Variants in PPM1G observed in about 807,000 individuals in gnomAD.
PPM1G encodes the protein protein phosphatase, Mg2+/Mn2+ dependent 1G.
Under a neutral mutation model 59.4 loss-of-function variants are expected in PPM1G, and 12 were observed. The ratio of observed to expected loss-of-function variants is 0.20; its 90% confidence interval spans 0.13 to 0.33. PPM1G has a LOEUF of 0.33. Ranked by LOEUF, PPM1G falls within the 10% of genes least tolerant of loss-of-function variation. PPM1G has a pLI of 1.00. For synonymous variants in PPM1G, 245 were observed against 251.9 expected (o/e 0.97, Z 0.26); for missense variants, 392 against 681.3 (o/e 0.58, Z 4.73).
rs569091067 is a variant in PPM1G, at chr2:27,403,165, C to T, written c.120+6138G>A. Among the ~76,000 whole-genome samples the T allele has an allele frequency of 9.2e-5, 14 of 152,204 alleles. No individual in the cohort carries two copies. In the South Asian group the frequency reaches 2.9e-3, roughly 32 times the overall value. ...TAAATAATTTAAAAAATAAAAAGGCCGGGCACAGTGGCTCATGCCTGTAAT... is the reference window on the plus strand; with the variant it reads ...TAAATAATTTAAAAAATAAAAAGGCTGGGCACAGTGGCTCATGCCTGTAAT... On this transcript the variant is annotated intron_variant, in intron 1 of 9. Transcript: ENST00000344034.
chr2:27,409,019 G>A (rs1663448467), intron 1 of PPM1G, among the ~76,000 whole-genome samples: 1 of 152,242 alleles, frequency 6.6e-6, no homozygotes, highest in South Asian at 2.1e-4. Flanking sequence ...AGGTTGGCAC[G>A]AGAGGATGGC....
At position 27,409,380 on chromosome 2, in the gene PPM1G, C is replaced by G; in HGVS notation, c.43G>C (p.Gly15Arg). 1 of 1,540,978 alleles carries G rather than the reference C, an allele frequency of 6.5e-7. No homozygotes were observed. The highest frequency in any genetic ancestry group is 8.7e-7 in the Non-Finnish European group (1 of 1,143,086). ...AGGCGCGGGGCGCCGACCCCGTCCC[C>G]GGAGCACTTCACCGTGTTGGGCTGG... The part of the protein sequence containing the change: ...LSQPNTVKCS[G>R]DGVGAPRLPL... The change falls in exon 1 of 10, where the codon GGG becomes CGG. Residue 15 changes from glycine to arginine, a missense_variant. This residue lies in a region of PPM1G where 68 missense variants were observed against 145.9 expected (regional missense o/e 0.47). Transcript: ENST00000344034.
At chr2:27,393,343 C>T in intron 1 of PPM1G, 1 of 1,596,650 alleles carries the variant, frequency 6.3e-7, no homozygotes, top group Non-Finnish European at 8.5e-7. Context: ...TTCTGGCGCA[C>T]CTGCGAGGTA....
At chr2:27,401,634 T>C (rs1485643455) in intron 1 of PPM1G, among the ~76,000 whole-genome samples, 1 of 152,086 alleles carries the variant, frequency 6.6e-6, no homozygotes, top group East Asian at 1.9e-4. Flanking sequence ...GAGACCAGCC[T>C]GGGCAACATG....
In PPM1G at chr2:27,384,676, A is replaced by C. The variant is rs1460155488; in HGVS notation, c.822T>G (p.Ser274Arg). 6.9e-6 allele frequency: 11 copies of C among 1,603,250 alleles called. No homozygotes were observed. The highest frequency in any genetic ancestry group is 2.7e-5 in the African/African-American group (2 of 74,730). ...GCCTGCCCTCACAGGCCCTTACCTC[A>C]CTGTCTTCCTCTTCTTCCTCCGCCT... ...SDEAEEEEED[S>R]EECSEEEDGY... Residue 274 changes from serine to arginine, a missense_variant, in exon 5 of 10, where the codon AGT (serine) becomes AGG (arginine). Ser to Arg is a moderately radical substitution (Grantham distance 110, BLOSUM62 -1). Coordinates refer to ENST00000344034, the MANE Select transcript of PPM1G (RefSeq NM_177983.3). The surrounding 1 kb of genome is among the most constrained non-coding windows in gnomAD (Gnocchi z 4.8).
intron 3 of PPM1G, 105 bp downstream of exon 3, chr2:27,386,089 A>G (rs1165865762): frequency 7.9e-7 from 1 of 1,270,540 alleles, no homozygotes; most frequent in African/African-American, 1.5e-5. Flanking sequence ...TCAAGAGTAA[A>G]TAAGCAGCAG....
rs1683662273 is a variant in PPM1G at position 27,382,691 on chromosome 2, C to T, written c.1202-86G>A. On this transcript the variant is annotated intron_variant, in intron 7 of 9. Coordinates refer to ENST00000344034, the MANE Select transcript of PPM1G (RefSeq NM_177983.3). The surrounding 1 kb of genome is among the most constrained non-coding windows in gnomAD (Gnocchi z 4.2). ...CAGGTCAAACCTTGCCATTCATTTCCCTTCTTTACAAAGTTCCATAATCTA... is the reference window on the plus strand; with the variant it reads ...CAGGTCAAACCTTGCCATTCATTTCTCTTCTTTACAAAGTTCCATAATCTA... 3 of 1,525,856 alleles carry T rather than the reference C, an allele frequency of 2.0e-6. No individual in the cohort carries two copies. The highest frequency in any genetic ancestry group is 4.5e-5 in the East Asian group (2 of 44,266). 94.5% of individuals were successfully genotyped at this position (1,525,856 alleles called of 1,614,324 possible).
intron 1 of PPM1G, among the ~76,000 whole-genome samples, chr2:27,390,391 T>G (rs1683870467): frequency 6.6e-6 from 1 of 152,218 alleles, no homozygotes; most frequent in African/African-American, 2.4e-5. Context: ...TCCTTCTCCT[T>G]CAAGGTCTTA....
chr2:27,383,133 G>A lies in PPM1G; in HGVS notation c.1201+233C>T, dbSNP rs1372300229. On this transcript the variant is annotated intron_variant, in intron 7 of 9. Transcript: ENST00000344034. This position sits in a 1 kb window ranked among gnomAD's most constrained non-coding sequence, Gnocchi z 5.0. ...TTACAGGCGTGAGCCACCACGCCCG[G>A]CACTCACAGGTCTTTTTCATCATTC... 6.6e-6 allele frequency among the ~76,000 whole-genome samples: 1 copy of A among 152,090 alleles called. No homozygotes were observed. Among genetic ancestry groups the A allele is most frequent in the Non-Finnish European group, 1.5e-5 (1 of 68,010 alleles).
rs572763240 is a variant in PPM1G, at chr2:27,382,322, A to G, written c.1332-94T>C. On this transcript the variant is annotated intron_variant, in intron 8 of 9. Coordinates refer to ENST00000344034, the MANE Select transcript of PPM1G (RefSeq NM_177983.3). The surrounding 1 kb of genome is among the most constrained non-coding windows in gnomAD (Gnocchi z 4.2). ...GTGGTGGCCCAGGCCAGTGTAAATAACTACAGAAATTCTCAGCTCTGCCTT... is the reference window on the plus strand; with the variant it reads ...GTGGTGGCCCAGGCCAGTGTAAATAGCTACAGAAATTCTCAGCTCTGCCTT... 4 of 1,554,452 alleles carry G rather than the reference A, an allele frequency of 2.6e-6. No homozygotes were observed. The African/African-American group carries it at 5.4e-5, about 21-fold the overall frequency.
chr2:27,402,184 A>T (rs1558321811), intron 1 of PPM1G, among the ~76,000 whole-genome samples: 1 of 152,228 alleles, frequency 6.6e-6, no homozygotes, highest in African/African-American at 2.4e-5. Flanking sequence ...AAACAAAAAC[A>T]ACTACACTGA....
Position 27,387,147 on chromosome 2 carries a change from G to A in PPM1G, c.132C>T (p.Asn44=), listed in dbSNP as rs1360169624. ...GWRVSMEDAH[N]CIPELDSETA... The stretch of plus-strand genomic sequence containing the variant: ...TCTCACTGTCCAGCTCAGGAATACA[G>A]TTGTGAGCATCCTAGGAAAAGAAGA... Residue 44 remains asparagine (N), a synonymous_variant, in exon 2 of 10, where the codon AAC becomes AAT. Transcript: ENST00000344034. The A allele has an allele frequency of 6.2e-7, 1 of 1,612,434 alleles. No individual in the cohort carries two copies. Among genetic ancestry groups the A allele is most frequent in the South Asian group, 1.1e-5 (1 of 91,054 alleles).
chr2:27,384,225 G>T lies in PPM1G; in HGVS notation c.826-133C>A. On this transcript the variant is annotated intron_variant, in intron 5 of 9. Transcript: ENST00000344034. The surrounding 1 kb of genome is among the most constrained non-coding windows in gnomAD (Gnocchi z 4.8). The stretch of plus-strand genomic sequence containing the variant: ...CTGAAAGATACAAGTATATGGTCAT[G>T]AAAATTGGGGGGATGGAAAGGGCTA... 1 of 1,435,006 alleles carries T rather than the reference G, an allele frequency of 7.0e-7. No individual in the cohort carries two copies. The highest frequency in any genetic ancestry group is 9.4e-7 in the Non-Finnish European group (1 of 1,066,300). The allele number at this position is 1,435,006 out of a possible 1,614,324, so 88.9% of individuals were successfully genotyped here. A position where few individuals can be genotyped will look rare whatever the true frequency, so the allele number is the denominator to read the frequency against.
chr2:27,387,803 T>A (rs970179890), intron 1 of PPM1G, among the ~76,000 whole-genome samples: 4 of 152,058 alleles, frequency 2.6e-5, no homozygotes, highest in African/African-American at 4.8e-5. Context: ...TTTATTTATT[T>A]ATTATTATTT....
chr2:27,387,228 G>A, intron 1 of PPM1G, 70 bp from the exon 2 acceptor site: 1 of 1,296,286 alleles, frequency 7.7e-7, no homozygotes, highest in Non-Finnish European at 1.1e-6. Context: ...AGGGATCAAT[G>A]TCACCCCTTA....
chr2:27,396,355 CA>C (rs1684054136), intron 1 of PPM1G, among the ~76,000 whole-genome samples: 1 of 152,072 alleles, frequency 6.6e-6, no homozygotes, highest in South Asian at 2.1e-4. Flanking sequence ...CTAAACTAAT[CA>C]AATTCATAGA....
Position 27,381,931 on chromosome 2 carries a change from C to A in PPM1G, c.1435-126G>T, listed in dbSNP as rs556544191. 177 of 1,041,882 alleles carry A rather than the reference C, an allele frequency of 1.7e-4. 2 individuals are homozygous for A. The South Asian group carries it at 2.5e-3, about 15-fold the overall frequency. The allele number at this position is 1,041,882 out of a possible 1,614,324, so 64.5% of individuals were successfully genotyped here. A position where few individuals can be genotyped will look rare whatever the true frequency, so the allele number is the denominator to read the frequency against. Reference sequence around the variant, plus strand: ...AGAGGAATGGGCAAGAGGTATCACACAACGGCCCACCTGCTAGTCCATAAG... The same window carrying A: ...AGAGGAATGGGCAAGAGGTATCACAAAACGGCCCACCTGCTAGTCCATAAG... On this transcript the variant is annotated intron_variant, in intron 9 of 9. Coordinates refer to ENST00000344034, the MANE Select transcript of PPM1G (RefSeq NM_177983.3).
chr2:27,383,832 C>T lies in PPM1G; in HGVS notation c.966+120G>A, dbSNP rs192937379. 10 of 1,434,748 alleles carry T rather than the reference C, an allele frequency of 7.0e-6. No individual in the cohort carries two copies. The East Asian group carries it at 1.2e-4, about 18-fold the overall frequency. The allele number at this position is 1,434,748 out of a possible 1,614,324, so 88.9% of individuals were successfully genotyped here. ...TCTCATTCCCCTTGCAGAATAAATC[C>T]CCATGACTATTACTTCCATCCTAAA... is the stretch of plus-strand genomic sequence containing the variant. On this transcript the variant is annotated intron_variant, in intron 6 of 9. Transcript: ENST00000344034. The surrounding 1 kb of genome is among the most constrained non-coding windows in gnomAD (Gnocchi z 5.0).
rs187520528 is a variant in PPM1G, at chr2:27,405,236, G to A, written c.120+4067C>T. 2.6e-5 allele frequency among the ~76,000 whole-genome samples: 4 copies of A among 151,910 alleles called. No individual in the cohort carries two copies. The East Asian group carries it at 7.9e-4, about 30-fold the overall frequency. The stretch of plus-strand genomic sequence containing the variant: ...CTACAGGCGTGCGCCACCATGCCCA[G>A]CTAATTCTTGTATTTTAGAAGAGAC... On this transcript the variant is annotated intron_variant, in intron 1 of 9. Transcript: ENST00000344034.
Sources: gnomAD v4.1 joint callset for allele counts (sites outside exome capture counted in the v4.1 genomes callset) on GRCh38, gnomAD v4.1.1 for gene constraint, gnomAD v4.1.1 regional missense constraint, Gnocchi (gnomAD v3.1) non-coding constraint, MANE v1.5 for transcripts, NCBI Gene and HGNC (gene_info 2026-07-23, HGNC 2026-07-21) for gene names.